Variants in INPP4B observed in about 807,000 individuals in gnomAD.
The protein encoded by INPP4B is inositol polyphosphate 4-phosphatase type II.
INPP4B carries 55 observed loss-of-function variants against 122.5 expected under a neutral mutation model. The ratio of observed to expected loss-of-function variants is 0.45; its 90% confidence interval spans 0.36 to 0.56. The LOEUF (loss-of-function observed/expected upper bound fraction) is 0.56, where lower values mean the gene tolerates loss of function less well. Ranked by LOEUF, INPP4B falls within the 20% of genes least tolerant of loss-of-function variation. The pLI, the probability that INPP4B is intolerant of heterozygous loss-of-function variation, is 0.00. For missense variants in INPP4B, 1,000 were observed against 1,097.7 expected, an observed-to-expected ratio of 0.91 and a Z score of 1.26; for synonymous variants, 403 against 388.7, an observed-to-expected ratio of 1.04 and a Z score of -0.43.
At chr4:142,253,130 T>C (rs1389149958) in intron 11 of INPP4B, among the ~76,000 whole-genome samples, 1 of 152,070 alleles carries the variant, frequency 6.6e-6, no homozygotes, top group Non-Finnish European at 1.5e-5. Context: ...AAAAATATGG[T>C]ATAAAAGATT....
chr4:142,667,836 T>C (rs992199167), intron 2 of INPP4B, among the ~76,000 whole-genome samples: 1 of 152,188 alleles, frequency 6.6e-6, no homozygotes, highest in African/African-American at 2.4e-5. Flanking sequence ...AGTGCTATGA[T>C]GATGATTCAA....
At chr4:142,413,332 T>C (rs1327131625) in intron 5 of INPP4B, among the ~76,000 whole-genome samples, 1 of 152,100 alleles carries the variant, frequency 6.6e-6, no homozygotes, top group Non-Finnish European at 1.5e-5. Context: ...TAAAAGCAAT[T>C]CAATGTTTAA....
chr4:142,566,146 C>T (rs1387066898), intron 2 of INPP4B: 1 of 152,096 alleles, frequency 6.6e-6, no homozygotes, highest in East Asian at 1.9e-4. Flanking sequence ...AGAAAAATGA[C>T]AGGATGAAAA....
chr4:142,074,326 T>C (rs1376735878), intron 25 of INPP4B, among the ~76,000 whole-genome samples: 1 of 152,130 alleles, frequency 6.6e-6, no homozygotes, highest in African/African-American at 2.4e-5. Context: ...TATTTAATCT[T>C]ATTTTGTGTT....
intron 7 of INPP4B, among the ~76,000 whole-genome samples, chr4:142,391,222 T>C (rs969379034): frequency 6.6e-6 from 1 of 152,212 alleles, no homozygotes; most frequent in Non-Finnish European, 1.5e-5. Flanking sequence ...GGCACCTAAA[T>C]TGCAGAAACA....
At chr4:142,185,692 A>G (rs1391599680) in intron 15 of INPP4B, among the ~76,000 whole-genome samples, 1 of 151,888 alleles carries the variant, frequency 6.6e-6, no homozygotes, top group Non-Finnish European at 1.5e-5. Context: ...ATCCTGGCTA[A>G]CACGGTGAAA....
chr4:142,202,058 T>G (rs931031975), intron 14 of INPP4B, among the ~76,000 whole-genome samples: 5 of 152,032 alleles, frequency 3.3e-5, no homozygotes, highest in African/African-American at 1.2e-4. Flanking sequence ...TTTTTGACAT[T>G]TTATAGTGTC....
chr4:142,622,904 A>G (rs1745283624), intron 2 of INPP4B, among the ~76,000 whole-genome samples: 1 of 151,984 alleles, frequency 6.6e-6, no homozygotes, highest in Non-Finnish European at 1.5e-5. Context: ...AAATATATTC[A>G]TAGCACTGTG....
chr4:142,280,173 C>T (rs1750523168), intron 9 of INPP4B, among the ~76,000 whole-genome samples: 1 of 151,796 alleles, frequency 6.6e-6, no homozygotes. Context: ...CTTACATAAA[C>T]CAGCAATCCC....
intron 12 of INPP4B, among the ~76,000 whole-genome samples, chr4:142,218,270 T>C (rs937711021): frequency 2.6e-5 from 4 of 152,172 alleles, no homozygotes; most frequent in Admixed American, 6.5e-5. Flanking sequence ...AATACTCTCC[T>C]GACTTGTTCA....
chr4:142,716,681 C>T (rs1307453052), intron 2 of INPP4B, among the ~76,000 whole-genome samples: 1 of 152,188 alleles, frequency 6.6e-6, no homozygotes, highest in African/African-American at 2.4e-5. Flanking sequence ...AGGTAGAGGT[C>T]CCAAGTCTAC....
At chr4:142,482,188 C>A (rs897639994) in intron 2 of INPP4B, among the ~76,000 whole-genome samples, 4 of 152,082 alleles carry the variant, frequency 2.6e-5, no homozygotes, top group Admixed American at 2.6e-4. Flanking sequence ...TAATAGAACT[C>A]CACTAGAGAA....
chr4:142,054,576 G>A (rs929604355), intron 25 of INPP4B, among the ~76,000 whole-genome samples: 4 of 87,444 alleles, frequency 4.6e-5, no homozygotes, highest in African/African-American at 1.2e-4. Context: ...TCCAAAGACA[G>A]TCCAGAGGGT....
chr4:142,115,981 T>C (rs1315269432), intron 21 of INPP4B, among the ~76,000 whole-genome samples: 4 of 151,392 alleles, frequency 2.6e-5, no homozygotes, highest in Admixed American at 6.6e-5. Context: ...ACCAAGCAAA[T>C]GGAAAACAAA....
intron 3 of INPP4B, among the ~76,000 whole-genome samples, chr4:142,452,644 C>T (rs539853660): frequency 6.6e-6 from 1 of 152,242 alleles, no homozygotes; most frequent in Admixed American, 6.5e-5. Flanking sequence ...GACCAGTGGC[C>T]ACACGGGGAT....
intron 2 of INPP4B, among the ~76,000 whole-genome samples, chr4:142,681,823 T>C (rs1464923231): frequency 6.6e-6 from 1 of 151,920 alleles, no homozygotes; most frequent in Non-Finnish European, 1.5e-5. Context: ...ACAAATTGTA[T>C]TGTATGGCAT....
chr4:142,393,948 A>G (rs993349582), intron 7 of INPP4B, among the ~76,000 whole-genome samples: 1 of 152,228 alleles, frequency 6.6e-6, no homozygotes, highest in African/African-American at 2.4e-5. Context: ...TCATTGCTCA[A>G]TTAAACTCCT....
intron 2 of INPP4B, among the ~76,000 whole-genome samples, chr4:142,481,583 G>T (rs2149738665): frequency 6.6e-6 from 1 of 152,010 alleles, no homozygotes; most frequent in South Asian, 2.1e-4. Flanking sequence ...ATTATTTATT[G>T]AATTTGTATT....
At chr4:142,511,020 GAA>G (rs1404747250) in intron 2 of INPP4B, among the ~76,000 whole-genome samples, 1 of 152,120 alleles carries the variant, frequency 6.6e-6, no homozygotes, top group Non-Finnish European at 1.5e-5. Context: ...CCTGGGAAAT[GAA>G]GGATGTTTCA....
Sources: gnomAD v4.1 joint callset for allele counts (sites outside exome capture counted in the v4.1 genomes callset) on GRCh38, gnomAD v4.1.1 for gene constraint, MANE v1.5 for transcripts, NCBI Gene and HGNC (gene_info 2026-07-23, HGNC 2026-07-21) for gene names.